Variants in TMTC1 observed in about 807,000 individuals in gnomAD.
The protein encoded by TMTC1 is protein O-mannosyl-transferase TMTC1.
In TMTC1, 73 loss-of-function variants were observed where a neutral mutation model predicts 104.8. The ratio of observed to expected loss-of-function variants is 0.70; its 90% CI spans 0.58 to 0.85. The LOEUF is 0.85. Ranked by LOEUF, TMTC1 falls within the 40% of genes least tolerant of loss-of-function variation. TMTC1 has a pLI of 0.00. For missense variants in TMTC1, 1,035 were observed against 1,096.1 expected, an observed-to-expected ratio of 0.94 and a Z score of 0.79; for synonymous variants, 434 against 428.7, an observed-to-expected ratio of 1.01 and a Z score of -0.15.
chr12:29,589,077 C>T (rs1158352994), intron 7 of TMTC1, among the ~76,000 whole-genome samples: 2 of 152,222 alleles, frequency 1.3e-5, no homozygotes, highest in Admixed American at 1.3e-4. Flanking sequence ...CAGATAGCTA[C>T]TCTAGGTTCA....
At chr12:29,717,868 A>G (rs563079808) in intron 5 of TMTC1, among the ~76,000 whole-genome samples, 109 of 152,326 alleles carry the variant, frequency 7.2e-4, no homozygotes, top group African/African-American at 2.5e-3. Context: ...TTACTCTTCA[A>G]TTAAGAAACT....
chr12:29,656,543 T>C (rs1939769707), intron 5 of TMTC1, among the ~76,000 whole-genome samples: 1 of 151,676 alleles, frequency 6.6e-6, no homozygotes, highest in African/African-American at 2.4e-5. Context: ...TTGGTAGAGA[T>C]GGGTTTTCAC....
intron 13 of TMTC1, among the ~76,000 whole-genome samples, chr12:29,517,864 G>A (rs918642821): frequency 2.0e-5 from 3 of 152,010 alleles, no homozygotes; most frequent in Admixed American, 6.6e-5. Flanking sequence ...ACAGGTGCCC[G>A]CCATCATGCC....
intron 5 of TMTC1, among the ~76,000 whole-genome samples, chr12:29,708,719 A>G (rs1031170171): frequency 5.3e-5 from 8 of 152,202 alleles, no homozygotes; most frequent in African/African-American, 1.9e-4. Flanking sequence ...CCATGCCAGA[A>G]GCACACACAA....
chr12:29,575,273 G>A (rs565654111), intron 8 of TMTC1, among the ~76,000 whole-genome samples: 177 of 152,228 alleles, frequency 1.2e-3, no homozygotes, highest in African/African-American at 4.1e-3. Context: ...AATGAGACAG[G>A]CAGACAACTG....
chr12:29,693,086 A>G (rs1941311712), intron 5 of TMTC1, among the ~76,000 whole-genome samples: 2 of 144,826 alleles, frequency 1.4e-5, no homozygotes. Flanking sequence ...ACAGCTCTAA[A>G]AGTTTTGAAA....
chr12:29,745,618 C>CA (rs71444341), intron 5 of TMTC1, among the ~76,000 whole-genome samples: 10,953 of 84,498 alleles, frequency 0.13, 982 homozygotes, highest in East Asian at 0.32. Context: ...GAGACTCAAT[C>CA]AAAAAAAAAA....
chr12:29,613,726 G>C (rs1565710485), intron 6 of TMTC1, among the ~76,000 whole-genome samples: 4 of 152,202 alleles, frequency 2.6e-5, no homozygotes. Context: ...AAACCATTTT[G>C]TTCCTACGAA....
At chr12:29,579,118 G>A (rs917175529) in intron 8 of TMTC1, among the ~76,000 whole-genome samples, 5 of 152,114 alleles carry the variant, frequency 3.3e-5, no homozygotes, top group Non-Finnish European at 4.4e-5. Context: ...TTTCAGCCAC[G>A]GCCAGTAAAT....
intron 6 of TMTC1, 87 bp downstream of exon 6, chr12:29,633,060 C>G: frequency 7.8e-7 from 1 of 1,276,020 alleles, no homozygotes. Context: ...TCAATTTACA[C>G]CCAGACCATC....
intron 5 of TMTC1, among the ~76,000 whole-genome samples, chr12:29,733,593 C>A (rs1942599180): frequency 6.6e-6 from 1 of 152,196 alleles, no homozygotes; most frequent in Non-Finnish European, 1.5e-5. Context: ...ACTCTTATCT[C>A]CAATATTCCT....
chr12:29,583,670 G>C (rs1362654262), intron 7 of TMTC1, 96 bp from the exon 8 acceptor site: 6 of 1,178,018 alleles, frequency 5.1e-6, no homozygotes, highest in African/African-American at 3.1e-5. Flanking sequence ...AATGAAGCTT[G>C]TCCTGTGCTA....
intron 5 of TMTC1, among the ~76,000 whole-genome samples, chr12:29,683,411 A>G (rs1049178928): frequency 1.3e-5 from 2 of 152,252 alleles, no homozygotes; most frequent in African/African-American, 4.8e-5. Context: ...AGAAGTTAGG[A>G]TAAACATTAT....
intron 5 of TMTC1, among the ~76,000 whole-genome samples, chr12:29,641,704 A>T (rs1938864973): frequency 6.6e-6 from 1 of 152,194 alleles, no homozygotes; most frequent in African/African-American, 2.4e-5. Flanking sequence ...CCCCAAAAAA[A>T]TCACACTAGT....
At position 29,520,696 on chromosome 12, in the gene TMTC1, T is replaced by C. The variant is rs1427128329; in HGVS notation, c.1810A>G (p.Ile604Val). The C allele has an allele frequency of 2.5e-6, 4 of 1,612,960 alleles. No individual in the cohort carries two copies. In the African/African-American group the frequency reaches 4.0e-5, roughly 16 times the overall value. ...EQERFKEAEEIYQTGIKNCPD... is the reference protein window; with the variant it reads ...EQERFKEAEEVYQTGIKNCPD... ...CAGTTCTTTATTCCAGTTTGGTATATTTCTTCAGCTTCTTTAAACCGCTCC... is the reference window on the plus strand; with the variant it reads ...CAGTTCTTTATTCCAGTTTGGTATACTTCTTCAGCTTCTTTAAACCGCTCC... Residue 604 changes from isoleucine (I) to valine (V), a missense_variant, in exon 12 of 18, where the codon ATA becomes GTA. Physicochemically the swap from Ile to Val is conservative, Grantham distance 29. Coordinates refer to ENST00000539277, the MANE Select transcript of TMTC1 (RefSeq NM_001193451.2).
intron 5 of TMTC1, among the ~76,000 whole-genome samples, chr12:29,702,698 G>T (rs1048086895): frequency 3.0e-4 from 45 of 152,200 alleles, no homozygotes; most frequent in Non-Finnish European, 5.9e-5. Flanking sequence ...GCCATTGGGA[G>T]GCAGCCTTGA....
chr12:29,605,688 T>C (rs969719005), intron 6 of TMTC1, among the ~76,000 whole-genome samples: 1 of 152,134 alleles, frequency 6.6e-6, no homozygotes, highest in African/African-American at 2.4e-5. Context: ...GAATTTAAAC[T>C]GTATAGTTTA....
At position 29,562,860 on chromosome 12, in the gene TMTC1, C is replaced by T. The variant is rs150802053; in HGVS notation, c.1533-5860G>A. Among the ~76,000 whole-genome samples the T allele has an allele frequency of 1.9e-3, 292 of 152,304 alleles. 1 individual carries two copies. The highest frequency in any genetic ancestry group is 6.3e-3 in the African/African-American group (262 of 41,560). ...GCTGCAGGACCTCTGGGTGATTTGA[C>T]TGGCTCCCTCTAGCCCTGATGAACC... On this transcript the variant is annotated intron_variant, in intron 9 of 17. Transcript: ENST00000539277.
At chr12:29,740,205 T>A (rs1451219248) in intron 5 of TMTC1, among the ~76,000 whole-genome samples, 1 of 152,104 alleles carries the variant, frequency 6.6e-6, no homozygotes, top group East Asian at 1.9e-4. Flanking sequence ...TTTGAGGAGA[T>A]GGGGTCTGTG....
Sources: allele counts gnomAD v4.1 joint callset (sites outside exome capture counted in the v4.1 genomes callset), GRCh38; gene constraint gnomAD v4.1.1; transcripts MANE v1.5; gene names NCBI Gene and HGNC (gene_info 2026-07-23, HGNC 2026-07-21).